GATC: variants seen among roughly 807,000 people sequenced by gnomAD.
GATC encodes glutamyl-tRNA amidotransferase subunit C, also known as glutamyl-tRNA(Gln) amidotransferase subunit C, mitochondrial.
In GATC, 11 loss-of-function variants were observed where a neutral mutation model predicts 14.4. The observed-to-expected ratio is 0.77, with a 90% CI of 0.48 to 1.27. The LOEUF is 1.27. Ranked by LOEUF, GATC falls within the 50% of genes most tolerant of loss-of-function variation. The probability of loss-of-function intolerance (pLI) is 0.00; values close to 1 mark genes in which losing one functional copy is unlikely to be tolerated. For missense variants in GATC, 204 were observed against 183.0 expected (o/e 1.11, Z -0.66); for synonymous variants, 76 against 79.3 (o/e 0.96, Z 0.22).
intron 2 of GATC, among the ~76,000 whole-genome samples, chr12:120,454,707 G>T (rs928045285): frequency 2.6e-5 from 4 of 151,816 alleles, no homozygotes; most frequent in Non-Finnish European, 5.9e-5. Context: ...GAGGCACCGC[G>T]CCCGGCCTCT....
chr12:120,460,479 A>G lies in GATC; in HGVS notation c.*520A>G, dbSNP rs1349382164. 1 of 152,384 alleles carries G rather than the reference A, an allele frequency of 6.6e-6. No homozygotes were observed. Among genetic ancestry groups the G allele is most frequent in the Non-Finnish European group, 1.5e-5 (1 of 68,204 alleles). 9.4% of individuals were successfully genotyped at this position (152,384 alleles called of 1,614,324 possible). On this transcript the variant is annotated 3_prime_UTR_variant, in exon 4 of 4. Transcript: ENST00000551765. ...CTACTAAGGTCTGAAGAGTGTTGAA[A>G]GTAGACTAGAGCTTGGGAACTCCTA... is the stretch of plus-strand genomic sequence containing the variant.
Position 120,446,842 on chromosome 12 carries a change from C to T in GATC, c.254+13C>T. ...TCCTGGAGGACAGGTAAACTCGCGG[C>T]TGCAGCCCCGAAGCCTTGACCGTGG... On this transcript the variant is annotated intron_variant, in intron 2 of 3. Coordinates refer to ENST00000551765, the MANE Select transcript of GATC (RefSeq NM_176818.3). 6.3e-7 allele frequency: 1 copy of T among 1,582,576 alleles called. No individual in the cohort carries two copies. The highest frequency in any genetic ancestry group is 8.6e-7 in the Non-Finnish European group (1 of 1,160,026).
Position 120,461,939 on chromosome 12 carries a change from C to A in GATC, c.*1980C>A. ...AAAAAAATTTCCTAAGACACTAAAT[C>A]CTCAATCTGGAATGTAGATTCTGAG... On this transcript the variant is annotated 3_prime_UTR_variant, in exon 4 of 4. Transcript: ENST00000551765. 1 of 1,347,896 alleles carries A rather than the reference C, an allele frequency of 7.4e-7. No individual in the cohort carries two copies. Among genetic ancestry groups the A allele is most frequent in the Non-Finnish European group, 9.7e-7 (1 of 1,030,576 alleles). The allele number at this position is 1,347,896 out of a possible 1,614,324, so 83.5% of individuals were successfully genotyped here.
rs762740871 is a variant in GATC at position 120,459,958 on chromosome 12, G to A, written c.410G>A (p.Ter137=). 1 of 1,611,162 alleles carries A rather than the reference G, an allele frequency of 6.2e-7. No homozygotes were observed. Among genetic ancestry groups the A allele is most frequent in the Non-Finnish European group, 8.5e-7 (1 of 1,177,618 alleles). Reference sequence around the variant, plus strand: ...GAACAAGAGCCATTCCCACACAGCTGAGTAGCTCATTCTGGAAAGGGGGTA... The same window carrying A: ...GAACAAGAGCCATTCCCACACAGCTAAGTAGCTCATTCTGGAAAGGGGGTA... ...LDEQEPFPHS[*] The change falls in exon 4 of 4, where the codon TGA becomes TAA. Residue 137 remains the stop codon, a stop_retained_variant. Transcript: ENST00000551765.
At chr12:120,450,967 C>A (rs1310071283) in intron 2 of GATC, among the ~76,000 whole-genome samples, 1 of 151,710 alleles carries the variant, frequency 6.6e-6, no homozygotes, top group East Asian at 1.9e-4. Flanking sequence ...CATGGCGAAA[C>A]CCTGTTTCTA....
At chr12:120,454,009 G>A (rs1647286676) in intron 2 of GATC, among the ~76,000 whole-genome samples, 1 of 152,130 alleles carries the variant, frequency 6.6e-6, no homozygotes, top group African/African-American at 2.4e-5. Context: ...ACTTACGCAG[G>A]AAACTTAATT....
rs527915785 is a variant in GATC at position 120,447,086 on chromosome 12, T to G, written c.254+257T>G. Among the ~76,000 whole-genome samples the G allele has an allele frequency of 1.4e-3, 212 of 151,476 alleles. 2 individuals carry two copies. The highest frequency in any genetic ancestry group is 3.4e-3 in the Middle Eastern group (1 of 292). On this transcript the variant is annotated intron_variant, in intron 2 of 3. Transcript: ENST00000551765. The stretch of plus-strand genomic sequence containing the variant: ...TTTTTTTGTTTGTTTGTTTTGTTTT[T>G]TTTTTTTTGAGACGGAGTCTCGCTG...
chr12:120,457,140 T>G lies in GATC; in HGVS notation c.319T>G (p.Ser107Ala), dbSNP rs1412815199. The G allele has an allele frequency of 6.2e-7, 1 of 1,614,002 alleles. No individual in the cohort carries two copies. Residue 107 changes from serine to alanine, a missense_variant, in exon 3 of 4, where the codon TCC (serine) becomes GCC (alanine). Coordinates refer to ENST00000551765, the MANE Select transcript of GATC (RefSeq NM_176818.3). ...CTGTGCTGATGAATTACTACAAAAC[T>G]CCCATCGCGTCGTGGAGGAGTACTT... ...GNCADELLQN[S>A]HRVVEEYFVA... is the part of the protein sequence containing the mutation.
chr12:120,451,872 A>ATTT (rs1555219520), intron 2 of GATC, among the ~76,000 whole-genome samples: 4 of 88,086 alleles, frequency 4.5e-5, no homozygotes, highest in Non-Finnish European at 4.7e-5. Flanking sequence ...AATTATATAA[A>ATTT]TTCTTTTTTT....
intron 2 of GATC, among the ~76,000 whole-genome samples, chr12:120,448,918 A>G (rs944820404): frequency 6.6e-6 from 1 of 150,740 alleles, no homozygotes; most frequent in African/African-American, 2.4e-5. Context: ...TGCTGGGATT[A>G]TAGGCGTGAG....
At position 120,463,533 on chromosome 12, in the gene GATC, C is replaced by T. The variant is rs750370950; in HGVS notation, c.*3574C>T. 3 of 154,928 alleles carry T rather than the reference C, an allele frequency of 1.9e-5. No individual in the cohort carries two copies. The highest frequency in any genetic ancestry group is 1.3e-4 in the Admixed American group (2 of 15,468). The allele number at this position is 154,928 out of a possible 1,614,324, so 9.6% of individuals were successfully genotyped here. On this transcript the variant is annotated 3_prime_UTR_variant, in exon 4 of 4. Coordinates refer to ENST00000551765, the MANE Select transcript of GATC (RefSeq NM_176818.3). The stretch of plus-strand genomic sequence containing the variant: ...TGACAGCTCAGCCCTGACAGCAGGA[C>T]CTAGAAGGGCTGAGATGAAGAGGCT...
At position 120,446,798 on chromosome 12, in the gene GATC, G is replaced by A; in HGVS notation, c.223G>A (p.Val75Met). The A allele has an allele frequency of 6.2e-7, 1 of 1,613,562 alleles. No homozygotes were observed. Among genetic ancestry groups the A allele is most frequent in the African/African-American group, 1.3e-5 (1 of 75,066 alleles). Residue 75 changes from valine to methionine, a missense_variant, in exon 2 of 4, where the codon GTG becomes ATG. Transcript: ENST00000551765. The part of the protein sequence containing the change: ...DRLRAVDTDG[V>M]EPMESVLEDR... ...GCTACGCGCCGTGGACACAGACGGG[G>A]TGGAGCCCATGGAATCGGTCCTGGA...
chr12:120,449,485 C>G (rs1222586198), intron 2 of GATC, among the ~76,000 whole-genome samples: 1 of 151,870 alleles, frequency 6.6e-6, no homozygotes, highest in Non-Finnish European at 1.5e-5. Context: ...GAGTCTCACT[C>G]TGTTGCCCAC....
intron 2 of GATC, among the ~76,000 whole-genome samples, chr12:120,451,741 CAAAA>C (rs565772661): frequency 4.8e-4 from 72 of 151,032 alleles, no homozygotes; most frequent in African/African-American, 1.6e-3. Context: ...GACTCCATCT[CAAAA>C]AAACAAACAA....
At chr12:120,452,239 G>C (rs1878071021) in intron 2 of GATC, among the ~76,000 whole-genome samples, 1 of 152,008 alleles carries the variant, frequency 6.6e-6, no homozygotes, top group Admixed American at 6.6e-5. Flanking sequence ...ATTTTATATA[G>C]ATGGAAAAAA....
rs1004440447 is a variant in GATC at position 120,460,066 on chromosome 12, A to G, written c.*107A>G. The G allele has an allele frequency of 1.3e-6, 1 of 788,214 alleles. No individual in the cohort carries two copies. Among genetic ancestry groups the G allele is most frequent in the African/African-American group, 1.8e-5 (1 of 55,866 alleles). 48.8% of individuals were successfully genotyped at this position (788,214 alleles called of 1,614,324 possible). A position where few individuals can be genotyped will look rare whatever the true frequency, so the allele number is the denominator to read the frequency against. On this transcript the variant is annotated 3_prime_UTR_variant, in exon 4 of 4. Coordinates refer to ENST00000551765, the MANE Select transcript of GATC (RefSeq NM_176818.3). The stretch of plus-strand genomic sequence containing the variant: ...CCTGCTTTTTTCAGTCCCCTGAAAA[A>G]ATGGATGCTCAAGCATTTCTTAATA...
rs1412528863 is a variant in GATC, at chr12:120,460,211, C to A, written c.*252C>A. The A allele has an allele frequency of 7.2e-6, 3 of 418,206 alleles. No homozygotes were observed. Among genetic ancestry groups the A allele is most frequent in the African/African-American group, 2.1e-5 (1 of 48,226 alleles). 25.9% of individuals were successfully genotyped at this position (418,206 alleles called of 1,614,324 possible). On this transcript the variant is annotated 3_prime_UTR_variant, in exon 4 of 4. Coordinates refer to ENST00000551765, the MANE Select transcript of GATC (RefSeq NM_176818.3). Reference sequence around the variant, plus strand: ...GCTTCCAAGGAATTCACTTAACAGGCCTGTTCAGTATGGAAGACATTATTT... The same window carrying A: ...GCTTCCAAGGAATTCACTTAACAGGACTGTTCAGTATGGAAGACATTATTT...
At chr12:120,447,052 CTTTG>C (rs1175051879) in intron 2 of GATC, among the ~76,000 whole-genome samples, 1 of 74,510 alleles carries the variant, frequency 1.3e-5, no homozygotes, top group Admixed American at 9.3e-5. Flanking sequence ...TAATCACTGC[CTTTG>C]TTTTTTTTTT....
chr12:120,457,018 T>C (rs1878203143), intron 2 of GATC, 58 bp from the exon 3 acceptor site: 3 of 1,098,950 alleles, frequency 2.7e-6, no homozygotes, highest in East Asian at 2.3e-5. Context: ...CCCCTCTCCA[T>C]CATCCCCTAA....
Sources: allele counts gnomAD v4.1 joint callset (sites outside exome capture counted in the v4.1 genomes callset), GRCh38; gene constraint gnomAD v4.1.1; transcripts MANE v1.5; gene names NCBI Gene and HGNC (gene_info 2026-07-23, HGNC 2026-07-21).